TSC22D4: variants seen among roughly 807,000 people sequenced by gnomAD.
The protein encoded by TSC22D4 is TSC22 domain family protein 4.
A neutral mutation model predicts 24.9 loss-of-function variants in TSC22D4; 5 were observed. The ratio of observed to expected loss-of-function variants is 0.20; its 90% CI spans 0.10 to 0.42. The LOEUF (loss-of-function observed/expected upper bound fraction) is 0.42. Among genes scored for constraint, TSC22D4 ranks in the 10% least tolerant of loss-of-function variants. TSC22D4 has a pLI of 1.00. For synonymous variants in TSC22D4, 245 were observed against 243.2 expected, an observed-to-expected ratio of 1.01 and a Z score of -0.07; for missense variants, 469 against 547.9, an observed-to-expected ratio of 0.86 and a Z score of 1.44.
Position 100,478,054 on chromosome 7 carries a change from G to C in TSC22D4, c.-16C>G. 1 of 1,584,362 alleles carries C rather than the reference G, an allele frequency of 6.3e-7. No individual in the cohort carries two copies. Among genetic ancestry groups the C allele is most frequent in the Non-Finnish European group, 8.6e-7 (1 of 1,167,974 alleles). ...CCCCGCTCATGGTCCCTGGGGCTCA[G>C]GGCTGGGCCAAGGTTGGGGGTGGGT... On this transcript the variant is annotated 5_prime_UTR_variant, in exon 2 of 5. Coordinates refer to ENST00000300181, the MANE Select transcript of TSC22D4 (RefSeq NM_030935.5).
chr7:100,476,320 G>A (rs1280665560), intron 2 of TSC22D4, among the ~76,000 whole-genome samples: 1 of 152,028 alleles, frequency 6.6e-6, no homozygotes, highest in African/African-American at 2.4e-5. Flanking sequence ...GACCGGTCCT[G>A]ACAGGACCCA....
rs775866239 is a variant in TSC22D4, at chr7:100,477,997, G to A, written c.42C>T (p.Ser14=). Residue 14 remains serine (S), a synonymous_variant, in exon 2 of 5, where the codon AGC becomes AGT. Transcript: ENST00000300181. This position sits in a 1 kb window ranked among gnomAD's most constrained non-coding sequence, Gnocchi z 7.8. ...GKKKSSFQIT[S]VTTDYEGPGS... ...CAGGGCCCTCATAGTCCGTGGTGAC[G>A]CTGGTGATTTGGAAACTACTCTTCT... The A allele has an allele frequency of 9.4e-6, 15 of 1,589,504 alleles. No individual in the cohort carries two copies. The highest frequency in any genetic ancestry group is 1.8e-5 in the Admixed American group (1 of 55,352).
Position 100,477,616 on chromosome 7 carries a change from C to CA in TSC22D4, c.422_423insT (p.Ser142ValfsTer58). On this transcript the variant is annotated frameshift_variant, in exon 2 of 5. Transcript: ENST00000300181. LOFTEE classifies it high-confidence loss of function. The surrounding 1 kb of genome is among the most constrained non-coding windows in gnomAD (Gnocchi z 7.8). ...AGGTGGGGCCCTGAGACAGGCCTGA[C>CA]GGTGGGGTGGGGGCGCCCAGGCCGA... 1 of 1,598,142 alleles carries CA rather than the reference C, an allele frequency of 6.3e-7. No individual in the cohort carries two copies. The highest frequency in any genetic ancestry group is 8.5e-7 in the Non-Finnish European group (1 of 1,175,254).
intron 3 of TSC22D4, among the ~76,000 whole-genome samples, chr7:100,469,907 G>A (rs1799362143): frequency 6.6e-6 from 1 of 152,156 alleles, no homozygotes. Flanking sequence ...TGCAGAAGGC[G>A]CTGACAGGTG....
At chr7:100,473,302 C>G (rs1390928935) in intron 3 of TSC22D4, among the ~76,000 whole-genome samples, 7 of 152,172 alleles carry the variant, frequency 4.6e-5, no homozygotes, top group African/African-American at 1.7e-4. Flanking sequence ...TTCTAGAAAT[C>G]TTAGGATCCT....
chr7:100,471,753 C>G (rs1799397468), intron 3 of TSC22D4, among the ~76,000 whole-genome samples: 1 of 151,696 alleles, frequency 6.6e-6, no homozygotes, highest in Non-Finnish European at 1.5e-5. Context: ...AAGAAAAAAA[C>G]AAAAACAAAA....
chr7:100,475,250 ATTT>A (rs1054687178), intron 2 of TSC22D4, among the ~76,000 whole-genome samples: 1 of 152,072 alleles, frequency 6.6e-6, no homozygotes, highest in Admixed American at 6.6e-5. Context: ...CACCTGGCTA[ATTT>A]TTTTATTTTT....
Position 100,474,491 on chromosome 7 carries a change from C to A in TSC22D4, c.763-51G>T, listed in dbSNP as rs553354669. ...CACATGAAAAGAGAAAAGAAAGGAA[C>A]CAGCTGCCTTAAAACTTGCCTATTA... On this transcript the variant is annotated intron_variant, in intron 2 of 4. Coordinates refer to ENST00000300181, the MANE Select transcript of TSC22D4 (RefSeq NM_030935.5). The surrounding 1 kb of genome is among the most constrained non-coding windows in gnomAD (Gnocchi z 4.3). 5.7e-5 allele frequency: 92 copies of A among 1,605,414 alleles called. No homozygotes were observed. The Middle Eastern group carries it at 6.8e-4, about 12-fold the overall frequency.
At chr7:100,469,895 G>T (rs1274535575) in intron 3 of TSC22D4, among the ~76,000 whole-genome samples, 2 of 152,180 alleles carry the variant, frequency 1.3e-5, no homozygotes, top group African/African-American at 4.8e-5. Flanking sequence ...CCCAGCTCTG[G>T]GTGCAGAAGG....
At chr7:100,468,059 C>A in intron 3 of TSC22D4, 1 of 418,616 alleles carries the variant, frequency 2.4e-6, no homozygotes, top group Non-Finnish European at 4.8e-6. Flanking sequence ...GCCAGGCAGG[C>A]AGAGAGGAGA....
chr7:100,478,350 A>AGAGTGTGTGTGTGTGTGGGTGTGT (rs1228276528), intron 1 of TSC22D4, 43 bp from the exon 2 acceptor site: 1 of 82,806 alleles, frequency 1.2e-5, no homozygotes, highest in Non-Finnish European at 2.1e-5. Context: ...AGAGAGAGAG[A>AGAGTGTGTGTGTGTGTGGGTGTGT]GTGTGTGTGT....
At position 100,477,341 on chromosome 7, in the gene TSC22D4, G is replaced by A; in HGVS notation, c.698C>T (p.Ser233Phe). ...GGSGARTPPLSRRKAVDMRLR... is the reference protein window; with the variant it reads ...GGSGARTPPLFRRKAVDMRLR... The stretch of plus-strand genomic sequence containing the variant: ...CCGCATGTCTACAGCTTTCCTCCGG[G>A]ACAGTGGAGGGGTCCTGGCCCCTGA... Residue 233 changes from serine to phenylalanine, a missense_variant, in exon 2 of 5, where the codon TCC (serine) becomes TTC (phenylalanine). By Grantham distance (155) the Ser-to-Phe change is radical. Coordinates refer to ENST00000300181, the MANE Select transcript of TSC22D4 (RefSeq NM_030935.5). The surrounding 1 kb of genome is among the most constrained non-coding windows in gnomAD (Gnocchi z 7.8). The A allele has an allele frequency of 6.4e-7, 1 of 1,552,720 alleles. No individual in the cohort carries two copies. Among genetic ancestry groups the A allele is most frequent in the Non-Finnish European group, 8.7e-7 (1 of 1,151,522 alleles).
rs1490099762 is a variant in TSC22D4, at chr7:100,478,051, T to C, written c.-13A>G. The C allele has an allele frequency of 3.2e-6, 5 of 1,579,676 alleles. No homozygotes were observed. On this transcript the variant is annotated 5_prime_UTR_variant, in exon 2 of 5. Transcript: ENST00000300181. ...TGCCCCCGCTCATGGTCCCTGGGGC[T>C]CAGGGCTGGGCCAAGGTTGGGGGTG... is the stretch of plus-strand genomic sequence containing the variant.
chr7:100,471,437 G>C (rs1435654907), intron 3 of TSC22D4, among the ~76,000 whole-genome samples: 1 of 152,120 alleles, frequency 6.6e-6, no homozygotes, highest in East Asian at 1.9e-4. Context: ...TGGCCCTTGG[G>C]CAAGTTTCTA....
Position 100,468,650 on chromosome 7 carries a change from G to A in TSC22D4, c.930-1050C>T, listed in dbSNP as rs904001207. On this transcript the variant is annotated intron_variant, in intron 3 of 4. Coordinates refer to ENST00000300181, the MANE Select transcript of TSC22D4 (RefSeq NM_030935.5). ...CAAAGCCCTAGAAGATGAATACAGCGTAAAGGCCAGGCGTGGTGGCTCACA... is the reference window on the plus strand; with the variant it reads ...CAAAGCCCTAGAAGATGAATACAGCATAAAGGCCAGGCGTGGTGGCTCACA... Among the ~76,000 whole-genome samples the A allele has an allele frequency of 4.6e-5, 7 of 152,198 alleles. No homozygotes were observed. In the East Asian group the frequency reaches 5.8e-4, roughly 13 times the overall value.
chr7:100,466,835 C>T lies in TSC22D4; in HGVS notation c.*124G>A, dbSNP rs1799286299. The T allele has an allele frequency of 1.1e-6, 1 of 944,146 alleles. No individual in the cohort carries two copies. Among genetic ancestry groups the T allele is most frequent in the Admixed American group, 2.9e-5 (1 of 34,718 alleles). The allele number at this position is 944,146 out of a possible 1,614,324, so 58.5% of individuals were successfully genotyped here. On this transcript the variant is annotated 3_prime_UTR_variant, in exon 5 of 5. Transcript: ENST00000300181. The stretch of plus-strand genomic sequence containing the variant: ...ATGGGGCAGGGGCCGGGGGACCAGG[C>T]CATTACTGAGCCTTGAACTCCCACC...
intron 3 of TSC22D4, among the ~76,000 whole-genome samples, chr7:100,469,657 G>A (rs554700844): frequency 1.3e-5 from 2 of 152,204 alleles, no homozygotes; most frequent in East Asian, 1.9e-4. Context: ...GCGCTGTGGC[G>A]GGATCCCCAG....
In TSC22D4 at chr7:100,474,180, G is replaced by C; in HGVS notation, c.929+94C>G. 1 of 1,519,760 alleles carries C rather than the reference G, an allele frequency of 6.6e-7. No homozygotes were observed. The highest frequency in any genetic ancestry group is 9.0e-7 in the Non-Finnish European group (1 of 1,115,912). The allele number at this position is 1,519,760 out of a possible 1,614,324, so 94.1% of individuals were successfully genotyped here. A position where few individuals can be genotyped will look rare whatever the true frequency, so the allele number is the denominator to read the frequency against. On this transcript the variant is annotated intron_variant, in intron 3 of 4. Coordinates refer to ENST00000300181, the MANE Select transcript of TSC22D4 (RefSeq NM_030935.5). This position sits in a 1 kb window ranked among gnomAD's most constrained non-coding sequence, Gnocchi z 4.3. ...GGTCCTCTCCAAGTTCAACCTGGGGGAAGGATGCCTACCAGGCACTTTCTT... is the reference window on the plus strand; with the variant it reads ...GGTCCTCTCCAAGTTCAACCTGGGGCAAGGATGCCTACCAGGCACTTTCTT...
chr7:100,478,437 C>T (rs965710884), intron 1 of TSC22D4, 130 bp from the exon 2 acceptor site: 2 of 198,898 alleles, frequency 1.0e-5, no homozygotes, highest in African/African-American at 4.9e-5. Flanking sequence ...GGCTTCCTCT[C>T]CGGGGAGCAG....
Sources: allele counts gnomAD v4.1 joint callset (sites outside exome capture counted in the v4.1 genomes callset), GRCh38; gene constraint gnomAD v4.1.1; non-coding constraint Gnocchi (gnomAD v3.1); transcripts MANE v1.5; gene names NCBI Gene and HGNC (gene_info 2026-07-23, HGNC 2026-07-21).